Variants in TIAM1 observed in about 807,000 individuals in gnomAD.
TIAM1 encodes rho guanine nucleotide exchange factor TIAM1.
Under a neutral mutation model 163.5 loss-of-function variants are expected in TIAM1, and 65 were observed. That is an observed-to-expected ratio of 0.40 (90% CI 0.33 to 0.49). The LOEUF is 0.49. Among genes scored for constraint, TIAM1 ranks in the 20% least tolerant of loss-of-function variants. The pLI is 0.77. For synonymous variants in TIAM1, 833 were observed against 810.1 expected (o/e 1.03, Z -0.48); for missense variants, 1,789 against 2,044.7 (o/e 0.87, Z 2.41).
At chr21:31,520,527 A>G (rs1282878747) in intron 1 of TIAM1, among the ~76,000 whole-genome samples, 3 of 152,230 alleles carry the variant, frequency 2.0e-5, no homozygotes, top group Admixed American at 6.5e-5. Flanking sequence ...TGGTATAAAC[A>G]GCAAAAGGAA....
chr21:31,196,478 A>ATT (rs59358430), intron 12 of TIAM1, among the ~76,000 whole-genome samples: 12 of 133,090 alleles, frequency 9.0e-5, no homozygotes, highest in African/African-American at 3.4e-4. Flanking sequence ...CATCTGGCTA[A>ATT]TTTTTTTTTT....
chr21:31,386,479 G>C (rs999968034), intron 2 of TIAM1, among the ~76,000 whole-genome samples: 1 of 152,192 alleles, frequency 6.6e-6, no homozygotes, highest in African/African-American at 2.4e-5. Context: ...ACGTGCAAAG[G>C]TGTCTAAGCC....
In TIAM1 at chr21:31,441,885, CAA is replaced by C. The variant is rs35501898; in HGVS notation, c.-369+22096_-369+22097del. On this transcript the variant is annotated intron_variant, in intron 2 of 28. Coordinates refer to the TIAM1 transcript ENST00000286827. ...GCAGCATGGTGAAACCCCATGTTTACAAAAAAAAAAAAATACAAAAATTAGCC... is the reference window on the plus strand; with the variant it reads ...GCAGCATGGTGAAACCCCATGTTTACAAAAAAAAAAATACAAAAATTAGCC... Among the ~76,000 whole-genome samples, 41 of 128,636 alleles carry C rather than the reference CAA, an allele frequency of 3.2e-4. 1 individual carries two copies. The highest frequency in any genetic ancestry group is 1.1e-3 in the African/African-American group (39 of 34,742). The allele number at this position is 128,636 out of a possible 152,430, so 84.4% of individuals were successfully genotyped here. A position where few individuals can be genotyped will look rare whatever the true frequency, so the allele number is the denominator to read the frequency against.
At chr21:31,407,502 A>C (rs2077266312) in intron 2 of TIAM1, among the ~76,000 whole-genome samples, 1 of 152,090 alleles carries the variant, frequency 6.6e-6, no homozygotes, top group Non-Finnish European at 1.5e-5. Flanking sequence ...ACTGGTGCTG[A>C]GGTGAGCCAC....
intron 1 of TIAM1, among the ~76,000 whole-genome samples, chr21:31,507,179 A>ATTTTTTTTT (rs572356384): frequency 1.3e-4 from 6 of 44,582 alleles, no homozygotes; most frequent in African/African-American, 2.9e-4. Context: ...CACCTTTTTA[A>ATTTTTTTTT]TTTTTTTTTT....
intron 2 of TIAM1, among the ~76,000 whole-genome samples, chr21:31,358,626 A>T (rs1459573271): frequency 6.6e-6 from 1 of 151,998 alleles, no homozygotes; most frequent in Admixed American, 6.6e-5. Flanking sequence ...TCCCACATCG[A>T]ATCAGTCGGA....
rs895383951 is a variant in TIAM1, at chr21:31,266,098, C to T, written c.875G>A (p.Arg292Lys). Residue 292 changes from arginine to lysine, a missense_variant, in exon 4 of 28, where the codon AGG (arginine) becomes AAG (lysine). By Grantham distance (26) the Arg-to-Lys change is conservative. This residue lies in a region of TIAM1 where 555 missense variants were observed against 564.9 expected (regional missense o/e 0.98). Transcript: ENST00000541036. ...ACCTTCAGAGAGACAGTGAGATTTC[C>T]TACAGGGAAGTGTGTTATAATTACT... ...PYSNYNTLPC[R>K]KSHCLSEGAT... The T allele has an allele frequency of 6.2e-7, 1 of 1,614,090 alleles. No individual in the cohort carries two copies.
chr21:31,294,579 C>G (rs75069789), intron 2 of TIAM1, among the ~76,000 whole-genome samples: 7 of 152,112 alleles, frequency 4.6e-5, no homozygotes, highest in Non-Finnish European at 1.0e-4. Flanking sequence ...TAAAATTTAG[C>G]ACCTAGTAAG....
At chr21:31,214,376 A>G (rs2087059194) in intron 9 of TIAM1, among the ~76,000 whole-genome samples, 1 of 152,008 alleles carries the variant, frequency 6.6e-6, no homozygotes, top group African/African-American at 2.4e-5. Context: ...AGAAAAATAT[A>G]AATAAAAGAA....
intron 1 of TIAM1, among the ~76,000 whole-genome samples, chr21:31,548,815 T>C (rs1019540762): frequency 6.6e-6 from 1 of 152,078 alleles, no homozygotes; most frequent in Non-Finnish European, 1.5e-5. Context: ...ACTATGGACC[T>C]GATCACTGTC....
intron 1 of TIAM1, among the ~76,000 whole-genome samples, chr21:31,507,490 A>C (rs1437450157): frequency 1.3e-5 from 2 of 151,970 alleles, no homozygotes; most frequent in South Asian, 2.1e-4. Flanking sequence ...TACAGGTGTG[A>C]GCCTGTAAAA....
intron 15 of TIAM1, among the ~76,000 whole-genome samples, chr21:31,173,880 G>A (rs73191661): frequency 3.9e-5 from 6 of 152,168 alleles, no homozygotes; most frequent in Admixed American, 6.5e-5. Flanking sequence ...TCACACGCAG[G>A]ATTTGACGGT....
At chr21:31,523,963 A>G (rs1400569273) in intron 1 of TIAM1, among the ~76,000 whole-genome samples, 1 of 150,746 alleles carries the variant, frequency 6.6e-6, no homozygotes, top group Non-Finnish European at 1.5e-5. Context: ...CTCTGCAGGC[A>G]TGATAATTCC....
chr21:31,482,835 A>AATC (rs1261908987), intron 1 of TIAM1, among the ~76,000 whole-genome samples: 4 of 152,240 alleles, frequency 2.6e-5, no homozygotes, highest in Non-Finnish European at 5.9e-5. Flanking sequence ...GACCCAGAGC[A>AATC]ATGTAAGGAC....
chr21:31,242,860 C>CAA (rs11417948), intron 6 of TIAM1, among the ~76,000 whole-genome samples: 1,013 of 94,660 alleles, frequency 0.011, 16 homozygotes, highest in Non-Finnish European at 0.013. Context: ...GACTCTGTCT[C>CAA]AAAAAAAAAA....
At chr21:31,482,205 G>A (rs1463857632) in intron 1 of TIAM1, among the ~76,000 whole-genome samples, 1 of 151,758 alleles carries the variant, frequency 6.6e-6, no homozygotes, top group Non-Finnish European at 1.5e-5. Context: ...AGGCTGGAGT[G>A]CAGCGGCGCA....
chr21:31,203,065 C>A, intron 11 of TIAM1, 53 bp from the exon 12 acceptor site: 1 of 1,376,054 alleles, frequency 7.3e-7, no homozygotes, highest in South Asian at 1.2e-5. Context: ...AGTAAATAGG[C>A]ACAATTAGTT....
In TIAM1 at chr21:31,140,224, C is replaced by T. The variant is rs920070518; in HGVS notation, c.3774+894G>A. On this transcript the variant is annotated intron_variant, in intron 22 of 27. Coordinates refer to ENST00000541036, the MANE Select transcript of TIAM1 (RefSeq NM_001353694.2). ...GGTGCTTTCTCTAGCCTACACTAAA[C>T]AACCAAACTTTGCCCCACCCACACT... is the stretch of plus-strand genomic sequence containing the variant. Among the ~76,000 whole-genome samples the T allele has an allele frequency of 3.9e-5, 6 of 152,256 alleles. No individual in the cohort carries two copies. In the South Asian group the frequency reaches 1.2e-3, roughly 32 times the overall value.
At chr21:31,394,595 G>C (rs900669672) in intron 2 of TIAM1, among the ~76,000 whole-genome samples, 2 of 152,046 alleles carry the variant, frequency 1.3e-5, no homozygotes, top group Non-Finnish European at 2.9e-5. Flanking sequence ...GGTGGGCCAG[G>C]AGTGAGAGAG....
Sources: gnomAD v4.1 joint callset for allele counts (sites outside exome capture counted in the v4.1 genomes callset) on GRCh38, gnomAD v4.1.1 for gene constraint, gnomAD v4.1.1 regional missense constraint, MANE v1.5 for transcripts, NCBI Gene and HGNC (gene_info 2026-07-23, HGNC 2026-07-21) for gene names.